Variants in DPP3 observed in about 807,000 individuals in gnomAD.
DPP3 encodes DPP III.
Under a neutral mutation model 89.8 loss-of-function variants are expected in DPP3, and 64 were observed. The observed-to-expected ratio is 0.71, with a 90% CI of 0.58 to 0.88. The LOEUF (loss-of-function observed/expected upper bound fraction) is 0.88, where lower values mean the gene tolerates loss of function less well. DPP3 is among the 40% of genes least tolerant of loss of function. The probability of loss-of-function intolerance (pLI) is 0.00; values close to 1 mark genes in which losing one functional copy is unlikely to be tolerated. For synonymous variants in DPP3, 377 were observed against 404.3 expected (o/e 0.93, Z 0.81); for missense variants, 835 against 972.5 (o/e 0.86, Z 1.88).
At chr11:66,495,880 G>A in intron 15 of DPP3, 130 bp downstream of exon 15, 1 of 1,431,442 alleles carries the variant, frequency 7.0e-7, no homozygotes, top group Non-Finnish European at 9.3e-7. Flanking sequence ...TCCACTGTTT[G>A]GGAGGCAAGT....
At chr11:66,501,721 A>C (rs1855679599) in intron 16 of DPP3, among the ~76,000 whole-genome samples, 1 of 150,846 alleles carries the variant, frequency 6.6e-6, no homozygotes, top group Admixed American at 6.7e-5. Flanking sequence ...GCTACAGAGG[A>C]GGCTGAGGCA....
At chr11:66,497,841 T>C (rs905712759) in intron 16 of DPP3, among the ~76,000 whole-genome samples, 2 of 151,060 alleles carry the variant, frequency 1.3e-5, no homozygotes, top group African/African-American at 2.4e-5. Flanking sequence ...CAGTAAGCCA[T>C]GATTGCACCA....
chr11:66,496,555 C>T (rs1475122233), intron 15 of DPP3, among the ~76,000 whole-genome samples: 1 of 151,952 alleles, frequency 6.6e-6, no homozygotes, highest in African/African-American at 2.4e-5. Context: ...GCTAGGATTA[C>T]AGGCATGCAC....
chr11:66,500,021 G>T (rs577421255), intron 16 of DPP3, among the ~76,000 whole-genome samples: 6 of 152,118 alleles, frequency 3.9e-5, no homozygotes, highest in African/African-American at 1.4e-4. Flanking sequence ...GATATATGGG[G>T]ACTACTGTAC....
intron 4 of DPP3, 69 bp from the exon 5 acceptor site, chr11:66,487,199 G>T (rs1855254894): frequency 2.7e-6 from 4 of 1,492,664 alleles, no homozygotes; most frequent in Non-Finnish European, 3.7e-6. Flanking sequence ...GGAAGCCTGG[G>T]AATATGACGT....
chr11:66,492,810 A>G lies in DPP3; in HGVS notation c.1083A>G (p.Pro361=). 1.2e-6 allele frequency: 2 copies of G among 1,614,032 alleles called. No individual in the cohort carries two copies. Among genetic ancestry groups the G allele is most frequent in the Non-Finnish European group, 1.7e-6 (2 of 1,179,986 alleles). ...EQLLKELPWP[P]TFEKDKFLTP... is the part of the protein sequence containing the mutation. ...TGCTGAAGGAGCTGCCCTGGCCCCCAACCTTTGAGAAGGACAAGTTCCTCA... is the reference window on the plus strand; with the variant it reads ...TGCTGAAGGAGCTGCCCTGGCCCCCGACCTTTGAGAAGGACAAGTTCCTCA... The change falls in exon 10 of 18, where the codon CCA becomes CCG. Residue 361 remains proline (P), a synonymous_variant. Transcript: ENST00000531863.
Position 66,491,299 on chromosome 11 carries a change from A to G in DPP3, c.714A>G (p.Glu238=). Residue 238 remains glutamate (E), a synonymous_variant, in exon 7 of 18, where the codon GAA becomes GAG. Transcript: ENST00000531863. The stretch of plus-strand genomic sequence containing the variant: ...TGACTTCCAAGCTGAAGAGCTATGA[A>G]TTCCGGGGAAGCCCTTTCCAGGTGA... ...SEVTSKLKSY[E]FRGSPFQVTR... is the part of the protein sequence containing the mutation. 6.2e-7 allele frequency: 1 copy of G among 1,613,942 alleles called. No homozygotes were observed. Among genetic ancestry groups the G allele is most frequent in the Non-Finnish European group, 8.5e-7 (1 of 1,179,990 alleles).
At chr11:66,493,241 A>C in intron 11 of DPP3, 62 bp downstream of exon 11, 1 of 1,427,976 alleles carries the variant, frequency 7.0e-7, no homozygotes. Context: ...ACTCAGGAAG[A>C]GAGACAGCCC....
chr11:66,495,706 C>T lies in DPP3; in HGVS notation c.1654C>T (p.Leu552Phe). Residue 552 changes from leucine to phenylalanine, a missense_variant, in exon 15 of 18, where the codon CTC (leucine) becomes TTC (phenylalanine). By Grantham distance (22) the Leu-to-Phe change is conservative. Coordinates refer to ENST00000531863, the MANE Select transcript of DPP3 (RefSeq NM_130443.4). ...GCTCAACATGGTTCGGGCCGGGCTG[C>T]TCGCTCTGGAGTTCTACACACCTGA... ...NWLNMVRAGL[L>F]ALEFYTPEAF... 6.2e-7 allele frequency: 1 copy of T among 1,613,128 alleles called. No homozygotes were observed. The highest frequency in any genetic ancestry group is 2.2e-5 in the East Asian group (1 of 44,802).
chr11:66,502,197 GAA>G (rs1368541471), intron 16 of DPP3, among the ~76,000 whole-genome samples: 1 of 151,950 alleles, frequency 6.6e-6, no homozygotes, highest in African/African-American at 2.4e-5. Context: ...TCAAAAAAAA[GAA>G]AGTACAATAT....
chr11:66,485,067 C>T, intron 2 of DPP3, 106 bp from the exon 3 acceptor site: 1 of 1,092,220 alleles, frequency 9.2e-7, no homozygotes, highest in Non-Finnish European at 1.4e-6. Flanking sequence ...CATTTCCCAG[C>T]CTCACCCACA....
chr11:66,495,795 G>A (rs909366255), intron 15 of DPP3, 45 bp downstream of exon 15: 27 of 1,564,242 alleles, frequency 1.7e-5, no homozygotes, highest in Non-Finnish European at 2.1e-5. Context: ...GGAGCCTGCA[G>A]TGGGTGCCAA....
intron 16 of DPP3, among the ~76,000 whole-genome samples, chr11:66,498,682 G>A (rs113908425): frequency 1.3e-3 from 205 of 152,346 alleles, no homozygotes; most frequent in African/African-American, 4.6e-3. Flanking sequence ...ATATGGCTGA[G>A]TGATGCTGAG....
chr11:66,508,071 G>A (rs1174218993), intron 17 of DPP3, among the ~76,000 whole-genome samples: 1 of 152,194 alleles, frequency 6.6e-6, no homozygotes, highest in African/African-American at 2.4e-5. Flanking sequence ...GAGGCACAGA[G>A]GGGCTGTGTA....
intron 2 of DPP3, among the ~76,000 whole-genome samples, chr11:66,484,837 A>G (rs1565266131): frequency 2.6e-5 from 4 of 152,012 alleles, no homozygotes; most frequent in Admixed American, 2.6e-4. Context: ...GGCTCTGGAG[A>G]AAGAGGGAGG....
chr11:66,505,675 G>T (rs996146177), intron 17 of DPP3, among the ~76,000 whole-genome samples: 2 of 152,084 alleles, frequency 1.3e-5, no homozygotes, highest in Non-Finnish European at 2.9e-5. Context: ...TAGTGGAGGA[G>T]CCAAGAGTCA....
At chr11:66,493,203 C>A in intron 11 of DPP3, 24 bp downstream of exon 11, 2 of 1,598,682 alleles carry the variant, frequency 1.3e-6, no homozygotes, top group South Asian at 1.1e-5. Context: ...GTCGGAGGGT[C>A]GGGGCTGGGC....
chr11:66,488,975 C>G (rs887839110), intron 6 of DPP3, among the ~76,000 whole-genome samples: 21 of 152,210 alleles, frequency 1.4e-4, no homozygotes, highest in African/African-American at 5.1e-4. Context: ...AAGCAATTCT[C>G]CTGCCTCAGC....
chr11:66,485,329 T>G, intron 3 of DPP3, 67 bp downstream of exon 3: 1 of 1,479,634 alleles, frequency 6.8e-7, no homozygotes, highest in South Asian at 1.2e-5. Context: ...GAAAATGCAG[T>G]AGAAGGAGCC....
Sources: allele counts gnomAD v4.1 joint callset (sites outside exome capture counted in the v4.1 genomes callset), GRCh38; gene constraint gnomAD v4.1.1; transcripts MANE v1.5; gene names NCBI Gene and HGNC (gene_info 2026-07-23, HGNC 2026-07-21).